BICD2: variants seen among roughly 807,000 people sequenced by gnomAD.
The protein encoded by BICD2 is BICD cargo adaptor 2, also known as protein bicaudal D homolog 2.
A neutral mutation model predicts 72.9 loss-of-function variants in BICD2; 25 were observed. The observed-to-expected ratio is 0.34, with a 90% CI of 0.25 to 0.48. The LOEUF is 0.48. Ranked by LOEUF, BICD2 falls within the 20% of genes least tolerant of loss-of-function variation. BICD2 has a pLI of 0.99. For missense variants in BICD2, 894 were observed against 1,175.2 expected, an observed-to-expected ratio of 0.76 and a Z score of 3.50; for synonymous variants, 501 against 516.1, an observed-to-expected ratio of 0.97 and a Z score of 0.40.
chr9:92,743,396 A>G (rs1167573906), intron 1 of BICD2, among the ~76,000 whole-genome samples: 1 of 132,830 alleles, frequency 7.5e-6, no homozygotes, highest in Non-Finnish European at 1.6e-5. Flanking sequence ...GGGTCTCACT[A>G]TGTTGCCCAT....
intron 1 of BICD2, among the ~76,000 whole-genome samples, chr9:92,753,851 T>G (rs924428839): frequency 6.6e-6 from 1 of 151,676 alleles, no homozygotes; most frequent in Non-Finnish European, 1.5e-5. Flanking sequence ...TAGCACAGTT[T>G]TATACACGTT....
chr9:92,711,692 A>AG lies in BICD2; in HGVS notation c.*3461_*3462insC. On this transcript the variant is annotated 3_prime_UTR_variant, in exon 7 of 7. Coordinates refer to ENST00000356884, the MANE Select transcript of BICD2 (RefSeq NM_001003800.2). ...AGTACTCAGACATCATTGCAAATAA[A>AG]TACCCCATACAGATGAAGTTATCTC... 6.5e-6 allele frequency: 1 copy of AG among 152,770 alleles called. No individual in the cohort carries two copies. Among genetic ancestry groups the AG allele is most frequent in the East Asian group, 1.9e-4 (1 of 5,192 alleles). The allele number at this position is 152,770 out of a possible 1,614,324, so 9.5% of individuals were successfully genotyped here.
rs1459797914 is a variant in BICD2 at position 92,717,704 on chromosome 9, A to C, written c.2258+93T>G. ...CTGACTAGTCAGGGCTGCAGGCCTC[A>C]GCATGAGGCAGTGAGAGGCTAAGGG... On this transcript the variant is annotated intron_variant, in intron 6 of 6. Transcript: ENST00000356884. 2.8e-6 allele frequency: 4 copies of C among 1,447,636 alleles called. No individual in the cohort carries two copies. In the African/African-American group the frequency reaches 5.7e-5, roughly 21 times the overall value. The allele number at this position is 1,447,636 out of a possible 1,614,324, so 89.7% of individuals were successfully genotyped here.
At chr9:92,727,107 C>T (rs1265791418) in intron 2 of BICD2, among the ~76,000 whole-genome samples, 2 of 152,160 alleles carry the variant, frequency 1.3e-5, no homozygotes, top group Non-Finnish European at 2.9e-5. Context: ...CATGTACTGC[C>T]GCTTCAGGAT....
chr9:92,740,632 A>T (rs1468090256), intron 1 of BICD2, among the ~76,000 whole-genome samples: 1 of 152,062 alleles, frequency 6.6e-6, no homozygotes, highest in African/African-American at 2.4e-5. Context: ...TAAAGTAACA[A>T]GCAGAAGTCT....
At chr9:92,735,998 T>A (rs375906474) in intron 1 of BICD2, among the ~76,000 whole-genome samples, 23 of 152,216 alleles carry the variant, frequency 1.5e-4, no homozygotes, top group African/African-American at 5.5e-4. Flanking sequence ...GAACTGATCA[T>A]GTGACTCTGT....
At chr9:92,763,368 G>T (rs946451333) in intron 1 of BICD2, among the ~76,000 whole-genome samples, 2 of 152,160 alleles carry the variant, frequency 1.3e-5, no homozygotes, top group African/African-American at 2.4e-5. Flanking sequence ...ACACTCAAGT[G>T]GGGGAAGGGA....
At chr9:92,748,034 C>T (rs758501120) in intron 1 of BICD2, among the ~76,000 whole-genome samples, 38 of 152,136 alleles carry the variant, frequency 2.5e-4, no homozygotes, top group Non-Finnish European at 4.3e-4. Context: ...TGTATGAATA[C>T]GGCTGAGTGA....
rs1313294851 is a variant in BICD2 at position 92,720,334 on chromosome 9, G to C, written c.1028C>G (p.Ser343Cys). 6.2e-7 allele frequency: 1 copy of C among 1,613,050 alleles called. No homozygotes were observed. The highest frequency in any genetic ancestry group is 1.3e-5 in the African/African-American group (1 of 75,048). The change falls in exon 4 of 7, where the codon TCT becomes TGT. Residue 343 changes from serine to cysteine, a missense_variant. Ser to Cys is a moderately radical substitution (Grantham distance 112). Coordinates refer to ENST00000356884, the MANE Select transcript of BICD2 (RefSeq NM_001003800.2). This position sits in a 1 kb window ranked among gnomAD's most constrained non-coding sequence, Gnocchi z 5.4. Reference sequence around the variant, plus strand: ...CTGCTGCTTCAGCTTCTGGATCTCAGAGATGTTGAGCTCACTGAGTAGGTC... The same window carrying C: ...CTGCTGCTTCAGCTTCTGGATCTCACAGATGTTGAGCTCACTGAGTAGGTC... Reference protein sequence around the residue: ...VSDLLSELNISEIQKLKQQLM... With the variant: ...VSDLLSELNICEIQKLKQQLM...
intron 1 of BICD2, among the ~76,000 whole-genome samples, chr9:92,731,348 CT>C (rs149930536): frequency 2.4e-4 from 36 of 152,294 alleles, no homozygotes; most frequent in African/African-American, 8.2e-4. Flanking sequence ...TTTTCCTCTG[CT>C]TAAGCTCCCA....
In BICD2 at chr9:92,712,026, T is replaced by C. The variant is rs1853204559; in HGVS notation, c.*3128A>G. 6.6e-6 allele frequency: 1 copy of C among 152,578 alleles called. No individual in the cohort carries two copies. Among genetic ancestry groups the C allele is most frequent in the Admixed American group, 6.5e-5 (1 of 15,282 alleles). 9.5% of individuals were successfully genotyped at this position (152,578 alleles called of 1,614,324 possible). A position where few individuals can be genotyped will look rare whatever the true frequency, so the allele number is the denominator to read the frequency against. ...ATTAGTTACACCAAGCAAGAGAAGA[T>C]ATAATGTCTCGCTTTCACATTTGCA... On this transcript the variant is annotated 3_prime_UTR_variant, in exon 7 of 7. Transcript: ENST00000356884.
In BICD2 at chr9:92,720,342, G is replaced by A. The variant is rs2131502090; in HGVS notation, c.1020C>T (p.Leu340=). The change falls in exon 4 of 7, where the codon CTC becomes CTT. Residue 340 remains leucine, a synonymous_variant. Coordinates refer to ENST00000356884, the MANE Select transcript of BICD2 (RefSeq NM_001003800.2). The surrounding 1 kb of genome is among the most constrained non-coding windows in gnomAD (Gnocchi z 5.4). ...TCAGCTTCTGGATCTCAGAGATGTTGAGCTCACTGAGTAGGTCGGAGACGA... is the reference window on the plus strand; with the variant it reads ...TCAGCTTCTGGATCTCAGAGATGTTAAGCTCACTGAGTAGGTCGGAGACGA... ...PSLVSDLLSE[L]NISEIQKLKQ... 1 of 1,613,624 alleles carries A rather than the reference G, an allele frequency of 6.2e-7. No individual in the cohort carries two copies. Among genetic ancestry groups the A allele is most frequent in the Non-Finnish European group, 8.5e-7 (1 of 1,179,888 alleles).
rs763538993 is a variant in BICD2, at chr9:92,711,939, C to T, written c.*3215G>A. On this transcript the variant is annotated 3_prime_UTR_variant, in exon 7 of 7. Coordinates refer to ENST00000356884, the MANE Select transcript of BICD2 (RefSeq NM_001003800.2). The stretch of plus-strand genomic sequence containing the variant: ...CACTAACCTCACTCAGCAAACAAAA[C>T]AGGATGTAGACCTGGTTTGCTAAGG... 3.3e-5 allele frequency: 5 copies of T among 152,572 alleles called. No homozygotes were observed. Among genetic ancestry groups the T allele is most frequent in the Non-Finnish European group, 7.3e-5 (5 of 68,032 alleles). 9.5% of individuals were successfully genotyped at this position (152,572 alleles called of 1,614,324 possible). A position where few individuals can be genotyped will look rare whatever the true frequency, so the allele number is the denominator to read the frequency against.
chr9:92,743,949 T>A (rs1302993612), intron 1 of BICD2, among the ~76,000 whole-genome samples: 2 of 152,110 alleles, frequency 1.3e-5, no homozygotes, highest in Non-Finnish European at 2.9e-5. Context: ...GACATACTGA[T>A]CAGAATGGCT....
At chr9:92,723,248 G>A (rs80317065) in intron 2 of BICD2, among the ~76,000 whole-genome samples, 1,949 of 152,288 alleles carry the variant, frequency 0.013, 38 homozygotes, top group African/African-American at 0.044. Context: ...TGCCCACACA[G>A]AAACCGGTCC....
At chr9:92,750,016 T>C (rs1366692180) in intron 1 of BICD2, among the ~76,000 whole-genome samples, 2 of 152,328 alleles carry the variant, frequency 1.3e-5, no homozygotes, top group South Asian at 4.1e-4. Flanking sequence ...CCTGACTTCA[T>C]CTCAAACCCT....
chr9:92,739,764 T>G (rs985509545), intron 1 of BICD2, among the ~76,000 whole-genome samples: 1 of 152,186 alleles, frequency 6.6e-6, no homozygotes. Context: ...CAACACTTGA[T>G]GGAGTCAAAG....
At chr9:92,757,065 G>C (rs1854274198) in intron 1 of BICD2, among the ~76,000 whole-genome samples, 1 of 152,012 alleles carries the variant, frequency 6.6e-6, no homozygotes, top group African/African-American at 2.4e-5. Flanking sequence ...TGTAATCCTA[G>C]CACCTTGCTG....
chr9:92,746,628 G>A (rs930196279), intron 1 of BICD2, among the ~76,000 whole-genome samples: 4 of 152,068 alleles, frequency 2.6e-5, no homozygotes, highest in Non-Finnish European at 4.4e-5. Flanking sequence ...AACAACAGGT[G>A]GACGGCAGTA....
Sources: gnomAD v4.1 joint callset for allele counts (sites outside exome capture counted in the v4.1 genomes callset) on GRCh38, gnomAD v4.1.1 for gene constraint, Gnocchi (gnomAD v3.1) non-coding constraint, MANE v1.5 for transcripts, NCBI Gene and HGNC (gene_info 2026-07-23, HGNC 2026-07-21) for gene names.